The following KIF1A variants were observed in gnomAD, a reference collection of about 807,000 sequenced individuals.
The protein encoded by KIF1A is kinesin-like protein KIF1A.
A neutral mutation model predicts 227.3 loss-of-function variants in KIF1A; 46 were observed. The observed-to-expected ratio is 0.20, with a 90% confidence interval of 0.16 to 0.26. The LOEUF (loss-of-function observed/expected upper bound fraction) is 0.26. Among genes scored for constraint, KIF1A ranks in the 10% least tolerant of loss-of-function variants. The pLI is 1.00. For missense variants in KIF1A, 1,683 were observed against 2,485.9 expected, an observed-to-expected ratio of 0.68 and a Z score of 6.87; for synonymous variants, 1,022 against 1,012.8, an observed-to-expected ratio of 1.01 and a Z score of -0.17.
intron 44 of KIF1A, among the ~76,000 whole-genome samples, chr2:240,721,381 T>C (rs1441074692): frequency 2.0e-5 from 3 of 152,194 alleles, no homozygotes; most frequent in Admixed American, 6.5e-5. Context: ...AGGAAGGCCA[T>C]GGGCCAGGGC....
In KIF1A at chr2:240,769,724, G is replaced by A. The variant is rs762698267; in HGVS notation, c.1342-18C>T. The A allele has an allele frequency of 1.9e-6, 3 of 1,605,440 alleles. No individual in the cohort carries two copies. The highest frequency in any genetic ancestry group is 1.7e-6 in the Non-Finnish European group (2 of 1,172,736). On this transcript the variant is annotated intron_variant, in intron 15 of 48. Transcript: ENST00000498729. ...TCTGTTTCCTGGGGATTGAGGCAGA[G>A]CACAGTGAGCTGCCGGGGCTAGGGC... is the stretch of plus-strand genomic sequence containing the variant.
At chr2:240,728,418 G>A in intron 38 of KIF1A, 1 of 1,301,646 alleles carries the variant, frequency 7.7e-7, no homozygotes, top group Non-Finnish European at 1.0e-6. Context: ...AAACGCTAAA[G>A]GTGGAGGCAG....
At chr2:240,787,973 G>A (rs1215976655) in intron 4 of KIF1A, 78 bp downstream of exon 4, 47 of 1,370,880 alleles carry the variant, frequency 3.4e-5, no homozygotes, top group Non-Finnish European at 4.4e-5. Context: ...TCTCAGGGGT[G>A]CCTGGCCCGG....
chr2:240,786,796 G>GCCATCAGGACCCCTGAGAGAGAGGGTA (rs1559530195), intron 5 of KIF1A, among the ~76,000 whole-genome samples: 4 of 58,200 alleles, frequency 6.9e-5, no homozygotes, highest in South Asian at 3.6e-4. Context: ...GTGAGGGGGT[G>GCCATCAGGACCCCTGAGAGAGAGGGTA]GGGGCTGCCA....
chr2:240,789,342 T>C lies in KIF1A; in HGVS notation c.107-30A>G. The stretch of plus-strand genomic sequence containing the variant: ...GGGAGGGAACACAGGTGGTTAGCGC[T>C]GTGCTGGGAGGGCCCCTGACTAGCT... On this transcript the variant is annotated intron_variant, in intron 2 of 48. Coordinates refer to ENST00000498729, the MANE Select transcript of KIF1A (RefSeq NM_001244008.2). This position sits in a 1 kb window ranked among gnomAD's most constrained non-coding sequence, Gnocchi z 4.8. 1 of 1,584,324 alleles carries C rather than the reference T, an allele frequency of 6.3e-7. No homozygotes were observed. The highest frequency in any genetic ancestry group is 8.7e-7 in the Non-Finnish European group (1 of 1,153,110).
chr2:240,732,183 GAA>G (rs2046763226), intron 38 of KIF1A, among the ~76,000 whole-genome samples: 1 of 91,426 alleles, frequency 1.1e-5, no homozygotes, highest in East Asian at 3.8e-4. Context: ...AGGGAGGAGA[GAA>G]TGAGCGGTGG....
In KIF1A at chr2:240,747,309, G is replaced by T; in HGVS notation, c.2990C>A (p.Ala997Asp). ...GCGGACGCCAGAGCCATAATCAGGG[G>T]CCTCTTCATCGGCTGCAGGAGAAAC... ...AVQAISADEE[A>D]PDYGSGVRQS... is the part of the protein sequence containing the mutation. The change falls in exon 29 of 49, where the codon GCC (alanine) becomes GAC (aspartate). Residue 997 changes from alanine to aspartate, a missense_variant. By Grantham distance (126) the Ala-to-Asp change is moderately radical. Coordinates refer to ENST00000498729, the MANE Select transcript of KIF1A (RefSeq NM_001244008.2). 1.9e-6 allele frequency: 3 copies of T among 1,613,130 alleles called. No individual in the cohort carries two copies. The highest frequency in any genetic ancestry group is 2.5e-6 in the Non-Finnish European group (3 of 1,179,384).
chr2:240,773,011 C>A, intron 13 of KIF1A, 103 bp downstream of exon 13: 1 of 1,291,814 alleles, frequency 7.7e-7, no homozygotes, highest in South Asian at 1.5e-5. Flanking sequence ...CAGGGTGCAG[C>A]CAGCAAAGTG....
intron 41 of KIF1A, among the ~76,000 whole-genome samples, 193 bp from the exon 42 acceptor site, chr2:240,723,751 CCATGGCCATCTCGGCTGTGCCCTGGGAA>C (rs2045675075): frequency 6.6e-6 from 1 of 152,220 alleles, no homozygotes; most frequent in Non-Finnish European, 1.5e-5. Context: ...GCCCGGCGTC[CCATGGCCATCTCGGCTGTGCCCTGGGAA>C]CCCAAGGAAG....
chr2:240,769,598 C>T (rs776664349), intron 16 of KIF1A, 29 bp downstream of exon 16: 3 of 1,595,326 alleles, frequency 1.9e-6, no homozygotes, highest in African/African-American at 1.3e-5. Context: ...GCACCCCTCC[C>T]CCTGGGCCTC....
chr2:240,811,623 G>A (rs74000007), intron 1 of KIF1A, among the ~76,000 whole-genome samples: 1,987 of 152,230 alleles, frequency 0.013, 31 homozygotes, highest in African/African-American at 0.044. Context: ...GACAGAGAGG[G>A]GCACCTCTGG....
In KIF1A at chr2:240,789,106, A is replaced by T. The variant is rs1367412790; in HGVS notation, c.183+130T>A. ...TGAGGACCGCTCAGGGTGACCTTCC[A>T]GGGGAGCAGGGTGGGGTCCTCGCCC... is the stretch of plus-strand genomic sequence containing the variant. On this transcript the variant is annotated intron_variant, in intron 3 of 48. Coordinates refer to ENST00000498729, the MANE Select transcript of KIF1A (RefSeq NM_001244008.2). The surrounding 1 kb of genome is among the most constrained non-coding windows in gnomAD (Gnocchi z 4.8). 2 of 720,178 alleles carry T rather than the reference A, an allele frequency of 2.8e-6. No individual in the cohort carries two copies. Among genetic ancestry groups the T allele is most frequent in the Non-Finnish European group, 4.8e-6 (2 of 416,570 alleles). 44.6% of individuals were successfully genotyped at this position (720,178 alleles called of 1,614,324 possible).
intron 18 of KIF1A, 87 bp from the exon 19 acceptor site, chr2:240,767,108 G>A: frequency 8.4e-7 from 1 of 1,192,398 alleles, no homozygotes. Flanking sequence ...CGCCCAACCA[G>A]GATTGTTTGG....
At chr2:240,747,089 G>A in intron 29 of KIF1A, 147 bp downstream of exon 29, 2 of 600,584 alleles carry the variant, frequency 3.3e-6, no homozygotes, top group Non-Finnish European at 3.0e-6. Flanking sequence ...GATGGGGCAG[G>A]CTCAGTGCTC....
At chr2:240,820,677 C>T (rs1476098123), upstream of KIF1A, among the ~76,000 whole-genome samples, 1 of 140,520 alleles carries the variant, frequency 7.1e-6, no homozygotes, top group Non-Finnish European at 1.6e-5. This position sits in a 1 kb window ranked among gnomAD's most constrained non-coding sequence, Gnocchi z 6.2. Flanking sequence ...GGGGGGCGGG[C>T]GGGGCTGGGG....
chr2:240,767,086 G>A, intron 18 of KIF1A, 65 bp from the exon 19 acceptor site: 2 of 1,317,216 alleles, frequency 1.5e-6, no homozygotes, highest in Non-Finnish European at 2.1e-6. Flanking sequence ...GCCACCCACT[G>A]GCCTCCAGGG....
chr2:240,808,557 A>G (rs957029248), intron 1 of KIF1A, among the ~76,000 whole-genome samples: 1 of 151,898 alleles, frequency 6.6e-6, no homozygotes, highest in African/African-American at 2.4e-5. Context: ...CTGTAGTACC[A>G]GCTCCTTGGG....
At chr2:240,762,647 G>C (rs1019549271) in intron 23 of KIF1A, 72 bp downstream of exon 23, 80 of 1,425,164 alleles carry the variant, frequency 5.6e-5, no homozygotes, top group Non-Finnish European at 7.2e-5. Flanking sequence ...CCTCCAGGGA[G>C]AGGCCCAGGG....
At chr2:240,776,250 C>T (rs1437528328) in intron 10 of KIF1A, among the ~76,000 whole-genome samples, 2 of 152,222 alleles carry the variant, frequency 1.3e-5, no homozygotes, top group Non-Finnish European at 2.9e-5. Flanking sequence ...AGTGTGTCCT[C>T]CCTCCACTCT....
Sources: allele counts gnomAD v4.1 joint callset (sites outside exome capture counted in the v4.1 genomes callset), GRCh38; gene constraint gnomAD v4.1.1; non-coding constraint Gnocchi (gnomAD v3.1); transcripts MANE v1.5; gene names NCBI Gene and HGNC (gene_info 2026-07-23, HGNC 2026-07-21).